Variants in GFI1 observed in about 807,000 individuals in gnomAD.
GFI1 encodes zinc finger protein Gfi-1.
A neutral mutation model predicts 39.2 loss-of-function variants in GFI1; 15 were observed. The ratio of observed to expected loss-of-function variants is 0.38; its 90% confidence interval spans 0.26 to 0.59. The LOEUF (loss-of-function observed/expected upper bound fraction) is 0.59. Among genes scored for constraint, GFI1 ranks in the 20% least tolerant of loss-of-function variants. GFI1 has a pLI of 0.62. For synonymous variants in GFI1, 239 were observed against 254.3 expected, an observed-to-expected ratio of 0.94 and a Z score of 0.57; for missense variants, 475 against 574.0, an observed-to-expected ratio of 0.83 and a Z score of 1.76.
rs956132729 is a variant in GFI1 at position 92,481,846 on chromosome 1, C to G, written c.299-758G>C. 6.6e-6 allele frequency among the ~76,000 whole-genome samples: 1 copy of G among 152,158 alleles called. No individual in the cohort carries two copies. The highest frequency in any genetic ancestry group is 1.5e-5 in the Non-Finnish European group (1 of 68,028). On this transcript the variant is annotated intron_variant, in intron 3 of 6. Coordinates refer to ENST00000294702, the MANE Select transcript of GFI1 (RefSeq NM_005263.5). This position sits in a 1 kb window ranked among gnomAD's most constrained non-coding sequence, Gnocchi z 4.3. Reference sequence around the variant, plus strand: ...AGCCACCACCTGCAAGGAGACAGCTCTGAATTCTCGGCCTGCTACGCCCCC... The same window carrying G: ...AGCCACCACCTGCAAGGAGACAGCTGTGAATTCTCGGCCTGCTACGCCCCC...
chr1:92,480,984 G>A lies in GFI1; in HGVS notation c.403C>T (p.Leu135=), dbSNP rs774763678. Reference sequence around the variant, plus strand: ...CCACACGGTCGGTAGCTCTGCACCAGGTGCCGCAGGTCAGAACCCGCCAGG... The same window carrying A: ...CCACACGGTCGGTAGCTCTGCACCAAGTGCCGCAGGTCAGAACCCGCCAGG... ...SGLAGSDLRH[L]VQSYRPCGAL... The change falls in exon 4 of 7, where the codon CTG becomes TTG. Residue 135 remains leucine (L), a synonymous_variant. Coordinates refer to ENST00000294702, the MANE Select transcript of GFI1 (RefSeq NM_005263.5). This position sits in a 1 kb window ranked among gnomAD's most constrained non-coding sequence, Gnocchi z 5.6. The A allele has an allele frequency of 6.2e-7, 1 of 1,606,396 alleles. No homozygotes were observed. Among genetic ancestry groups the A allele is most frequent in the Non-Finnish European group, 8.5e-7 (1 of 1,177,082 alleles).
At chr1:92,485,971 C>T (rs1658509060) in intron 1 of GFI1, 1 of 152,294 alleles carries the variant, frequency 6.6e-6, no homozygotes, top group Non-Finnish European at 1.5e-5. Context: ...CCGCGGCCGC[C>T]CCCACCAGGG....
chr1:92,476,910 G>A (rs1449400158), intron 6 of GFI1, among the ~76,000 whole-genome samples: 2 of 152,092 alleles, frequency 1.3e-5, no homozygotes, highest in Non-Finnish European at 2.9e-5. Context: ...AATTTTATGG[G>A]GTTAATCACA....
rs770009520 is a variant in GFI1 at position 92,480,338 on chromosome 1, C to G, written c.924+10G>C. ...GCAGGGCCGCGCGCGGCGGTGCGCC[C>G]CGCGCTTACCTGCGAGTGCACGGCT... is the stretch of plus-strand genomic sequence containing the variant. On this transcript the variant is annotated intron_variant, in intron 5 of 6. Transcript: ENST00000294702. This position sits in a 1 kb window ranked among gnomAD's most constrained non-coding sequence, Gnocchi z 5.6. The G allele has an allele frequency of 1.3e-4, 202 of 1,547,368 alleles. 3 individuals are homozygous for G. The South Asian group carries it at 2.4e-3, about 18-fold the overall frequency.
rs1167105213 is a variant in GFI1, at chr1:92,484,592, G to A, written c.-99-1006C>T. ...GCGCAGGCTGCATTAGCAGAGAGCG[G>A]GGGTCGGGCCCGGGCCCGGGAGGGA... On this transcript the variant is annotated intron_variant, in intron 1 of 6. Coordinates refer to ENST00000294702, the MANE Select transcript of GFI1 (RefSeq NM_005263.5). The surrounding 1 kb of genome is among the most constrained non-coding windows in gnomAD (Gnocchi z 4.1). The A allele has an allele frequency of 1.3e-5, 2 of 152,346 alleles. No homozygotes were observed. Among genetic ancestry groups the A allele is most frequent in the Non-Finnish European group, 2.9e-5 (2 of 68,180 alleles). 9.4% of individuals were successfully genotyped at this position (152,346 alleles called of 1,614,324 possible).
chr1:92,486,524 C>CA (rs1423160924), intron 1 of GFI1, among the ~76,000 whole-genome samples: 5 of 14,088 alleles, frequency 3.5e-4, no homozygotes, highest in Non-Finnish European at 5.9e-4. Context: ...CGGTCACCCG[C>CA]CCCCCCCACC....
Position 92,474,965 on chromosome 1 carries a change from T to G in GFI1, c.*1064A>C, listed in dbSNP as rs974833689. On this transcript the variant is annotated 3_prime_UTR_variant, in exon 7 of 7. Transcript: ENST00000294702. ...CACATGCCTGCTAGCTCAGAAATCT[T>G]TAAAATATCAGCTTAACAATAAAAA... 3.3e-5 allele frequency: 5 copies of G among 152,236 alleles called. No homozygotes were observed. Among genetic ancestry groups the G allele is most frequent in the African/African-American group, 1.2e-4 (5 of 41,438 alleles). The allele number at this position is 152,236 out of a possible 1,614,324, so 9.4% of individuals were successfully genotyped here. A position where few individuals can be genotyped will look rare whatever the true frequency, so the allele number is the denominator to read the frequency against.
At chr1:92,486,529 C>CA (rs1046942982) in intron 1 of GFI1, among the ~76,000 whole-genome samples, 197 bp downstream of exon 1, 2 of 146,650 alleles carry the variant, frequency 1.4e-5, no homozygotes, top group African/African-American at 5.1e-5. Context: ...ACCCGCCCCC[C>CA]CCACCCCCGA....
Position 92,481,003 on chromosome 1 carries a change from C to T in GFI1, c.384G>A (p.Ala128=). 1.2e-6 allele frequency: 2 copies of T among 1,610,048 alleles called. No homozygotes were observed. Among genetic ancestry groups the T allele is most frequent in the Non-Finnish European group, 1.7e-6 (2 of 1,178,668 alleles). ...PFKPYSWSGL[A]GSDLRHLVQS... ...GCACCAGGTGCCGCAGGTCAGAACC[C>T]GCCAGGCCGCTCCATGAGTACGGTT... The change falls in exon 4 of 7, where the codon GCG becomes GCA. Residue 128 remains alanine (A), a synonymous_variant. Transcript: ENST00000294702. The surrounding 1 kb of genome is among the most constrained non-coding windows in gnomAD (Gnocchi z 4.3).
chr1:92,481,067 G>A lies in GFI1; in HGVS notation c.320C>T (p.Pro107Leu), dbSNP rs1435288566. Residue 107 changes from proline (P) to leucine (L), a missense_variant, in exon 4 of 7, where the codon CCA becomes CTA. This residue lies in a region of GFI1 where 275 missense variants were observed against 275.8 expected (regional missense o/e 1.00). Transcript: ENST00000294702. This position sits in a 1 kb window ranked among gnomAD's most constrained non-coding sequence, Gnocchi z 4.3. Reference sequence around the variant, plus strand: ...GAAGGGCTGGGCTTCGTCCAGCGATGGGCACATTGACTTCTCCGAGGCTGT... The same window carrying A: ...GAAGGGCTGGGCTTCGTCCAGCGATAGGCACATTGACTTCTCCGAGGCTGT... ...ASPASEKSMC[P>L]SLDEAQPFPL... 6.2e-7 allele frequency: 1 copy of A among 1,611,592 alleles called. No homozygotes were observed. The highest frequency in any genetic ancestry group is 1.1e-5 in the South Asian group (1 of 90,982).
Position 92,479,621 on chromosome 1 carries a change from G to A in GFI1, c.924+727C>T, listed in dbSNP as rs1005548211. 5.3e-5 allele frequency among the ~76,000 whole-genome samples: 8 copies of A among 152,314 alleles called. 1 individual carries two copies. The highest frequency in any genetic ancestry group is 3.3e-4 in the Admixed American group (5 of 15,304). On this transcript the variant is annotated intron_variant, in intron 5 of 6. Coordinates refer to ENST00000294702, the MANE Select transcript of GFI1 (RefSeq NM_005263.5). ...AATCCCAGCACTTTGGGAGGCCCAG[G>A]CTGGTGGATCACTTGAGGCCAGGAG...
intron 6 of GFI1, among the ~76,000 whole-genome samples, chr1:92,476,746 T>A (rs1657999389): frequency 6.6e-6 from 1 of 151,742 alleles, no homozygotes; most frequent in Admixed American, 6.5e-5. Flanking sequence ...AACATGGACT[T>A]TCTTTCTTTC....
In GFI1 at chr1:92,483,387, G is replaced by A. The variant is rs764916969; in HGVS notation, c.101C>T (p.Ala34Val). 7 of 1,606,188 alleles carry A rather than the reference G, an allele frequency of 4.4e-6. No homozygotes were observed. Among genetic ancestry groups the A allele is most frequent in the Non-Finnish European group, 6.0e-6 (7 of 1,173,342 alleles). ...GCGCCTCGCACCTGCTCGGCTAGGC[G>A]CCGGTACATTCTCTAAACGGAGGGA... ...DYSLRLENVP[A>V]PSRADSTSNA... The change falls in exon 2 of 7, where the codon GCG becomes GTG. Residue 34 changes from alanine to valine, a missense_variant. By Grantham distance (64) the Ala-to-Val change is moderately conservative (BLOSUM62 0). Around this residue, in one of 4 missense-constraint regions of GFI1, gnomAD observed 275 missense variants for 275.8 expected, o/e 1.00. Transcript: ENST00000294702.
At position 92,473,482 on chromosome 1, in the gene GFI1, A is replaced by G. The variant is rs918888055; in HGVS notation, c.*2547T>C. Among the ~76,000 whole-genome samples the G allele has an allele frequency of 2.0e-5, 3 of 152,214 alleles. No individual in the cohort carries two copies. In the East Asian group the frequency reaches 5.8e-4, roughly 29 times the overall value. ...TAGGAAGTGGTTCCTGGACGCTGCAACTGTTCATCATCCATCAGTTCTGAA... is the reference window on the plus strand; with the variant it reads ...TAGGAAGTGGTTCCTGGACGCTGCAGCTGTTCATCATCCATCAGTTCTGAA... On this transcript the variant is annotated 3_prime_UTR_variant, in exon 7 of 7. Transcript: ENST00000294702.
At chr1:92,483,120 C>A in intron 2 of GFI1, 74 bp from the exon 3 acceptor site, 2 of 1,365,904 alleles carry the variant, frequency 1.5e-6, no homozygotes, top group Non-Finnish European at 2.0e-6. Flanking sequence ...CTCCCCCAAT[C>A]CCCCGACCAG....
In GFI1 at chr1:92,483,495, C is replaced by G; in HGVS notation, c.-8G>C. On this transcript the variant is annotated 5_prime_UTR_variant, in exon 2 of 7. Transcript: ENST00000294702. ...GAGAAATGAGCGCGGCATGGTGGTC[C>G]GGCACTTTCCCCACTGCGCCCCAAG... is the stretch of plus-strand genomic sequence containing the variant. The G allele has an allele frequency of 6.5e-7, 1 of 1,550,278 alleles. No homozygotes were observed. Among genetic ancestry groups the G allele is most frequent in the Non-Finnish European group, 8.9e-7 (1 of 1,126,028 alleles).
chr1:92,485,003 C>A (rs559632284), intron 1 of GFI1, among the ~76,000 whole-genome samples: 147 of 152,330 alleles, frequency 9.7e-4, no homozygotes, highest in African/African-American at 3.3e-3. Flanking sequence ...TGTCCGTTGG[C>A]GCTCTCAGCT....
At position 92,480,860 on chromosome 1, in the gene GFI1, C is replaced by T; in HGVS notation, c.527G>A (p.Gly176Asp). 1 of 1,457,752 alleles carries T rather than the reference C, an allele frequency of 6.9e-7. No individual in the cohort carries two copies. The highest frequency in any genetic ancestry group is 9.0e-7 in the Non-Finnish European group (1 of 1,110,452). The allele number at this position is 1,457,752 out of a possible 1,614,324, so 90.3% of individuals were successfully genotyped here. A position where few individuals can be genotyped will look rare whatever the true frequency, so the allele number is the denominator to read the frequency against. Residue 176 changes from glycine (G) to aspartate (D), a missense_variant, in exon 4 of 7, where the codon GGC becomes GAC. Physicochemically the swap from Gly to Asp is moderately conservative, Grantham distance 94 (BLOSUM62 -1). Coordinates refer to ENST00000294702, the MANE Select transcript of GFI1 (RefSeq NM_005263.5). This position sits in a 1 kb window ranked among gnomAD's most constrained non-coding sequence, Gnocchi z 5.6. Reference sequence around the variant, plus strand: ...GCTCCCTGGCGCCCCGGCCCCCGCGCCGCCGGCAGCCCGCTTCGGGCCGTA... The same window carrying T: ...GCTCCCTGGCGCCCCGGCCCCCGCGTCGCCGGCAGCCCGCTTCGGGCCGTA... ...ALYGPKRAAG[G>D]AGAGAPGSCS... is the part of the protein sequence containing the mutation.
At position 92,483,526 on chromosome 1, in the gene GFI1, C is replaced by T. The variant is rs750535225; in HGVS notation, c.-39G>A. 5.0e-6 allele frequency: 6 copies of T among 1,189,236 alleles called. No homozygotes were observed. The East Asian group carries it at 1.5e-4, about 29-fold the overall frequency. The allele number at this position is 1,189,236 out of a possible 1,614,324, so 73.7% of individuals were successfully genotyped here. A position where few individuals can be genotyped will look rare whatever the true frequency, so the allele number is the denominator to read the frequency against. On this transcript the variant is annotated 5_prime_UTR_variant, in exon 2 of 7. Coordinates refer to ENST00000294702, the MANE Select transcript of GFI1 (RefSeq NM_005263.5). ...TTTCCCCACTGCGCCCCAAGAGTCC[C>T]TGGAGCCGCTGTCACCCACGGTCAC...
Sources: allele counts gnomAD v4.1 joint callset (sites outside exome capture counted in the v4.1 genomes callset), GRCh38; gene constraint gnomAD v4.1.1; regional missense constraint gnomAD v4.1.1; non-coding constraint Gnocchi (gnomAD v3.1); transcripts MANE v1.5; gene names NCBI Gene and HGNC (gene_info 2026-07-23, HGNC 2026-07-21).